Variants in PPFIA1 observed in about 807,000 individuals in gnomAD.
PPFIA1 encodes PPFI scaffold protein A1.
PPFIA1 carries 25 observed loss-of-function variants against 149.9 expected under a neutral mutation model. The observed-to-expected ratio is 0.17, with a 90% confidence interval of 0.12 to 0.23. PPFIA1 has a LOEUF of 0.23. Ranked by LOEUF, PPFIA1 falls within the 10% of genes least tolerant of loss-of-function variation. The pLI is 1.00. For synonymous variants in PPFIA1, 549 were observed against 552.8 expected (o/e 0.99, Z 0.10); for missense variants, 1,362 against 1,506.5 (o/e 0.90, Z 1.59).
At chr11:70,376,390 G>A (rs1591393553) in intron 24 of PPFIA1, 142 bp from the exon 25 acceptor site, 4 of 777,926 alleles carry the variant, frequency 5.1e-6, no homozygotes, top group Non-Finnish European at 8.6e-6. Flanking sequence ...GCGTCCGAAA[G>A]TGTTGGAATT....
intron 2 of PPFIA1, among the ~76,000 whole-genome samples, chr11:70,302,807 G>A (rs935255827): frequency 4.9e-5 from 7 of 144,006 alleles, no homozygotes; most frequent in Admixed American, 4.3e-4. Flanking sequence ...TGTGATCCCA[G>A]TATGTTGCCC....
chr11:70,271,023 G>T (rs1301865315), intron 1 of PPFIA1, 109 bp downstream of exon 1: 1 of 151,766 alleles, frequency 6.6e-6, no homozygotes, highest in Non-Finnish European at 1.5e-5. Context: ...GGAAGGGTGC[G>T]CTCCGGGACG....
At chr11:70,370,541 C>T (rs576723286) in intron 21 of PPFIA1, among the ~76,000 whole-genome samples, 1 of 152,098 alleles carries the variant, frequency 6.6e-6, no homozygotes, top group Non-Finnish European at 1.5e-5. Flanking sequence ...CATGTACCAC[C>T]ATGCCCAGCT....
intron 2 of PPFIA1, among the ~76,000 whole-genome samples, chr11:70,289,193 A>G (rs1317011834): frequency 6.6e-6 from 1 of 151,514 alleles, no homozygotes; most frequent in Non-Finnish European, 1.5e-5. Context: ...ACTGGTTTTG[A>G]ACTCCTGACC....
At chr11:70,350,971 AT>A in intron 16 of PPFIA1, 1 of 1,246,064 alleles carries the variant, frequency 8.0e-7, no homozygotes, top group Non-Finnish European at 1.0e-6. Flanking sequence ...GTTTCTCTTC[AT>A]TTCTTTGCAT....
At chr11:70,348,835 C>T (rs1394720076) in intron 16 of PPFIA1, among the ~76,000 whole-genome samples, 1 of 152,106 alleles carries the variant, frequency 6.6e-6, no homozygotes, top group Non-Finnish European at 1.5e-5. Context: ...TGCATCACTG[C>T]CCTCCAGCCT....
intron 10 of PPFIA1, chr11:70,334,594 G>A (rs751868349): frequency 2.0e-5 from 3 of 152,216 alleles, no homozygotes; most frequent in South Asian, 2.1e-4. Context: ...GGAAGTATGC[G>A]ATACTCCGTA....
chr11:70,382,670 T>C lies in PPFIA1; in HGVS notation c.*13-333T>C, dbSNP rs118103693. On this transcript the variant is annotated intron_variant, in intron 27 of 27. Transcript: ENST00000253925. ...GACTGGTTCTTAAAACTGCGGACTC[T>C]GGCTGGTGAGTGGCCCGCCCTCTCC... Among the ~76,000 whole-genome samples, 8 of 152,362 alleles carry C rather than the reference T, an allele frequency of 5.3e-5. No individual in the cohort carries two copies. The East Asian group carries it at 1.5e-3, about 29-fold the overall frequency.
In PPFIA1 at chr11:70,272,365, C is replaced by G; in HGVS notation, c.193C>G (p.Gln65Glu). The G allele has an allele frequency of 1.2e-6, 2 of 1,614,174 alleles. No homozygotes were observed. Among genetic ancestry groups the G allele is most frequent in the Non-Finnish European group, 1.7e-6 (2 of 1,180,018 alleles). ...GACTCAAGAAACGCTGGCCTTAACCCAGGGGAAGTTACACGAGGTTGGTCA... is the reference window on the plus strand; with the variant it reads ...GACTCAAGAAACGCTGGCCTTAACCGAGGGGAAGTTACACGAGGTTGGTCA... ...RETQETLALT[Q>E]GKLHEVGHER... The change falls in exon 2 of 28, where the codon CAG becomes GAG. Residue 65 changes from glutamine to glutamate, a missense_variant. By Grantham distance (29) the Gln-to-Glu change is conservative. Transcript: ENST00000253925.
At chr11:70,378,552 C>A in intron 26 of PPFIA1, 1 of 728,596 alleles carries the variant, frequency 1.4e-6, no homozygotes, top group Non-Finnish European at 1.7e-6. Flanking sequence ...GTAGTAGTAG[C>A]TTCCAAACCA....
At chr11:70,360,654 T>A (rs1184351997) in intron 19 of PPFIA1, among the ~76,000 whole-genome samples, 2 of 152,262 alleles carry the variant, frequency 1.3e-5, no homozygotes, top group African/African-American at 4.8e-5. Flanking sequence ...CACCTGGTGA[T>A]TGGCGCCATG....
At position 70,319,455 on chromosome 11, in the gene PPFIA1, T is replaced by C. The variant is rs74336741; in HGVS notation, c.265-4947T>C. ...CTTAGGCTCTTTCTTTTCTCTAATA[T>C]TGATTTTAGTTCAGATCCTCATTAA... On this transcript the variant is annotated intron_variant, in intron 2 of 27. Coordinates refer to ENST00000253925, the MANE Select transcript of PPFIA1 (RefSeq NM_003626.5). 2.8e-3 allele frequency among the ~76,000 whole-genome samples: 423 copies of C among 152,342 alleles called. 3 individuals carry two copies. Among genetic ancestry groups the C allele is most frequent in the African/African-American group, 9.6e-3 (399 of 41,582 alleles).
intron 19 of PPFIA1, among the ~76,000 whole-genome samples, chr11:70,360,883 A>G (rs953184854): frequency 9.2e-5 from 14 of 152,240 alleles, no homozygotes; most frequent in African/African-American, 3.4e-4. Flanking sequence ...TGTACTTGCA[A>G]ACCAAATGTA....
At chr11:70,378,977 G>A (rs974281467) in intron 26 of PPFIA1, among the ~76,000 whole-genome samples, 8 of 152,200 alleles carry the variant, frequency 5.3e-5, no homozygotes, top group African/African-American at 1.9e-4. Flanking sequence ...GCCACTAGGA[G>A]GTGCATGACC....
At chr11:70,371,409 A>C (rs796323240) in intron 21 of PPFIA1, 38 of 6,502 alleles carry the variant, frequency 5.8e-3, no homozygotes, top group East Asian at 0.014. Context: ...ATTGTTCTAT[A>C]TTCTGTTGTT....
intron 11 of PPFIA1, 110 bp from the exon 12 acceptor site, chr11:70,337,255 T>A (rs2055036894): frequency 5.6e-6 from 4 of 720,228 alleles, no homozygotes; most frequent in Non-Finnish European, 6.6e-6. Context: ...GTGTGCTCTT[T>A]TACTCCGTTC....
rs1275622384 is a variant in PPFIA1, at chr11:70,384,288, CT to C, written c.*1300del. The C allele has an allele frequency of 3.9e-5, 6 of 152,650 alleles. No homozygotes were observed. In the South Asian group the frequency reaches 1.0e-3, roughly 26 times the overall value. 9.5% of individuals were successfully genotyped at this position (152,650 alleles called of 1,614,324 possible). ...TGTTTTTCTATTAATCTTTTGTCAA[CT>C]TCCTGATTATGTAACAAAGTATGTA... On this transcript the variant is annotated 3_prime_UTR_variant, in exon 28 of 28. Coordinates refer to ENST00000253925, the MANE Select transcript of PPFIA1 (RefSeq NM_003626.5).
intron 21 of PPFIA1, chr11:70,367,532 G>A (rs1036079352): frequency 2.2e-6 from 1 of 456,114 alleles, no homozygotes; most frequent in East Asian, 7.0e-5. Flanking sequence ...AGTAAACACT[G>A]TGCAGTGGGT....
rs751253424 is a variant in PPFIA1 at position 70,372,237 on chromosome 11, A to G, written c.2888A>G (p.Asn963Ser). 13 of 1,614,120 alleles carry G rather than the reference A, an allele frequency of 8.1e-6. No individual in the cohort carries two copies. The highest frequency in any genetic ancestry group is 1.1e-5 in the Non-Finnish European group (13 of 1,180,018). Residue 963 changes from asparagine to serine, a missense_variant, in exon 22 of 28, where the codon AAC becomes AGC. Physicochemically the swap from Asn to Ser is conservative, Grantham distance 46. Transcript: ENST00000253925. ...SRTTLAYGDM[N>S]HEWIGNEWLP... ...CAGACACTCGCCTATGGGGACATGA[A>G]CCACGAGTGGATCGGCAACGAGTGG...
Sources: gnomAD v4.1 joint callset for allele counts (sites outside exome capture counted in the v4.1 genomes callset) on GRCh38, gnomAD v4.1.1 for gene constraint, MANE v1.5 for transcripts, NCBI Gene and HGNC (gene_info 2026-07-23, HGNC 2026-07-21) for gene names.